Variants in LYPD6B observed in about 807,000 individuals in gnomAD.
The protein encoded by LYPD6B is LY6/PLAUR domain containing 6B.
A neutral mutation model predicts 22.8 loss-of-function variants in LYPD6B; 17 were observed. The ratio of observed to expected loss-of-function variants is 0.75; its 90% CI spans 0.51 to 1.12. LYPD6B has a LOEUF of 1.12. LYPD6B is among the 50% of genes most tolerant of loss of function. LYPD6B has a pLI of 0.00. For missense variants in LYPD6B, 221 were observed against 258.3 expected (o/e 0.86, Z 0.99); for synonymous variants, 106 against 91.6 (o/e 1.16, Z -0.90).
chr2:149,054,937 T>C (rs1283714495), intron 1 of LYPD6B, among the ~76,000 whole-genome samples: 3 of 152,214 alleles, frequency 2.0e-5, no homozygotes, highest in African/African-American at 4.8e-5. Context: ...TTTTTCTTTT[T>C]TTCGCTTGTG....
chr2:149,213,486 C>T (rs1694003173), intron 6 of LYPD6B, among the ~76,000 whole-genome samples: 2 of 152,170 alleles, frequency 1.3e-5, no homozygotes, highest in South Asian at 4.1e-4. Context: ...GAAGGATTAG[C>T]CTCAGTTTAA....
intron 2 of LYPD6B, among the ~76,000 whole-genome samples, chr2:149,135,408 G>A (rs1323520203): frequency 6.6e-6 from 1 of 151,994 alleles, no homozygotes; most frequent in Non-Finnish European, 1.5e-5. Context: ...TTAAATATGT[G>A]TATGTATGAA....
At chr2:149,155,596 G>A (rs977682936) in intron 2 of LYPD6B, among the ~76,000 whole-genome samples, 3 of 152,226 alleles carry the variant, frequency 2.0e-5, no homozygotes, top group Non-Finnish European at 4.4e-5. Context: ...TCCGGAGGCT[G>A]GTGAGCAAGA....
intron 2 of LYPD6B, among the ~76,000 whole-genome samples, chr2:149,134,068 G>A (rs1688195728): frequency 6.6e-6 from 1 of 152,166 alleles, no homozygotes; most frequent in South Asian, 2.1e-4. Context: ...GGGGGCTGGG[G>A]AATGCTGGCG....
intron 2 of LYPD6B, among the ~76,000 whole-genome samples, chr2:149,135,910 C>T (rs1274852263): frequency 6.6e-6 from 1 of 152,014 alleles, no homozygotes; most frequent in Non-Finnish European, 1.5e-5. Context: ...CATCCCTCCC[C>T]ATGCCAGGCT....
chr2:149,213,300 G>A (rs1467070613), intron 6 of LYPD6B, among the ~76,000 whole-genome samples, 178 bp downstream of exon 6: 2 of 151,918 alleles, frequency 1.3e-5, no homozygotes, highest in African/African-American at 4.8e-5. Flanking sequence ...GTAAAATGGA[G>A]ACCAAAGAAC....
chr2:149,171,264 C>G (rs1690799088), intron 3 of LYPD6B, among the ~76,000 whole-genome samples: 1 of 152,194 alleles, frequency 6.6e-6, no homozygotes, highest in Non-Finnish European at 1.5e-5. Flanking sequence ...TCTTTTATTA[C>G]TGTCCACAAC....
At chr2:149,057,027 G>C (rs1474380517) in intron 1 of LYPD6B, among the ~76,000 whole-genome samples, 1 of 152,140 alleles carries the variant, frequency 6.6e-6, no homozygotes, top group Non-Finnish European at 1.5e-5. Context: ...AGTCAAGCCT[G>C]TGTGCTTACT....
At chr2:149,091,368 A>G (rs928634343) in intron 1 of LYPD6B, among the ~76,000 whole-genome samples, 1 of 150,484 alleles carries the variant, frequency 6.6e-6, no homozygotes, top group African/African-American at 2.4e-5. Context: ...AAGATTATTT[A>G]TATAGAATAC....
chr2:149,163,079 A>T (rs1339904684), intron 3 of LYPD6B, among the ~76,000 whole-genome samples: 2 of 152,114 alleles, frequency 1.3e-5, no homozygotes, highest in African/African-American at 4.8e-5. Flanking sequence ...GCTTGCCTGG[A>T]GCCCAGATTC....
At chr2:149,102,615 A>G (rs1350231718) in intron 1 of LYPD6B, among the ~76,000 whole-genome samples, 1 of 152,010 alleles carries the variant, frequency 6.6e-6, no homozygotes, top group East Asian at 1.9e-4. Flanking sequence ...TCTGCAAGGA[A>G]GAGTTTGTTT....
chr2:149,060,857 G>A (rs968767601), intron 1 of LYPD6B, among the ~76,000 whole-genome samples: 2 of 152,150 alleles, frequency 1.3e-5, no homozygotes, highest in Admixed American at 1.3e-4. Flanking sequence ...AATGTCTCCT[G>A]ATCTGCATCT....
At chr2:149,149,027 A>T (rs1299056307) in intron 2 of LYPD6B, among the ~76,000 whole-genome samples, 1 of 152,202 alleles carries the variant, frequency 6.6e-6, no homozygotes, top group African/African-American at 2.4e-5. Context: ...AGAAGGGGGC[A>T]TGGAAAGACC....
At chr2:149,039,594 T>C (rs907083707) in intron 1 of LYPD6B, among the ~76,000 whole-genome samples, 2 of 152,192 alleles carry the variant, frequency 1.3e-5, no homozygotes, top group African/African-American at 4.8e-5. Context: ...TAAAGTAAAA[T>C]AGGTATTATT....
intron 1 of LYPD6B, among the ~76,000 whole-genome samples, chr2:149,060,602 A>G (rs1371290639): frequency 1.3e-5 from 2 of 152,124 alleles, no homozygotes; most frequent in Non-Finnish European, 2.9e-5. Context: ...ACCTGGCTGG[A>G]CATGCAGTTT....
intron 2 of LYPD6B, among the ~76,000 whole-genome samples, chr2:149,133,623 C>T (rs182666916): frequency 1.3e-5 from 2 of 152,098 alleles, no homozygotes; most frequent in African/African-American, 4.8e-5. Context: ...AAGGTATAAT[C>T]CTAGATGTAT....
chr2:149,054,071 T>C (rs1683682476), intron 1 of LYPD6B, among the ~76,000 whole-genome samples: 1 of 152,248 alleles, frequency 6.6e-6, no homozygotes, highest in Non-Finnish European at 1.5e-5. Flanking sequence ...CATTCATGTA[T>C]AAGTGTTTGT....
chr2:149,214,080 A>C (rs1223109987), intron 6 of LYPD6B, among the ~76,000 whole-genome samples: 1 of 152,196 alleles, frequency 6.6e-6, no homozygotes, highest in Admixed American at 6.5e-5. Context: ...ATAATTAGTA[A>C]ACCATTGTTG....
intron 1 of LYPD6B, chr2:149,068,694 AT>A: frequency 1.8e-6 from 1 of 551,136 alleles, no homozygotes. Context: ...GTTGGCATGC[AT>A]TTGACTTCAC....
Sources: gnomAD v4.1 joint callset for allele counts (sites outside exome capture counted in the v4.1 genomes callset) on GRCh38, gnomAD v4.1.1 for gene constraint, MANE v1.5 for transcripts, NCBI Gene and HGNC (gene_info 2026-07-23, HGNC 2026-07-21) for gene names.